Variants in CENPP observed in about 807,000 individuals in gnomAD.
CENPP encodes the protein centromere protein P.
A neutral mutation model predicts 35.6 loss-of-function variants in CENPP; 24 were observed. The ratio of observed to expected loss-of-function variants is 0.67; its 90% CI spans 0.49 to 0.95. The LOEUF (loss-of-function observed/expected upper bound fraction) is 0.95, where lower values mean the gene tolerates loss of function less well. Among genes scored for constraint, CENPP ranks in the 40% least tolerant of loss-of-function variants. CENPP has a pLI of 0.00. For missense variants in CENPP, 332 were observed against 345.3 expected (o/e 0.96, Z 0.31); for synonymous variants, 120 against 125.5 (o/e 0.96, Z 0.29).
chr9:92,541,547 T>A lies in CENPP; in HGVS notation c.565-69767T>A, dbSNP rs181846117. ...GGCTAATTTGAGTTAGATTTTTTTT[T>A]AAGATTCCATATATAAGTGAGATCA... On this transcript the variant is annotated intron_variant, in intron 5 of 7. Transcript: ENST00000375587. Among the ~76,000 whole-genome samples the A allele has an allele frequency of 4.8e-3, 722 of 151,534 alleles. 11 individuals are homozygous for A. The highest frequency in any genetic ancestry group is 0.017 in the African/African-American group (686 of 41,238).
intron 5 of CENPP, among the ~76,000 whole-genome samples, chr9:92,479,253 C>T (rs1329641740): frequency 1.3e-5 from 2 of 152,160 alleles, no homozygotes; most frequent in East Asian, 3.9e-4. Context: ...AAGCATCAGC[C>T]GGGGCCCCTT....
At chr9:92,387,255 C>T (rs1337172375) in intron 5 of CENPP, among the ~76,000 whole-genome samples, 1 of 151,274 alleles carries the variant, frequency 6.6e-6, no homozygotes, top group African/African-American at 2.4e-5. Flanking sequence ...GCCTGTAATC[C>T]CAGCTACTAG....
intron 1 of CENPP, among the ~76,000 whole-genome samples, 198 bp downstream of exon 1, chr9:92,326,303 T>G (rs1414325739): frequency 1.3e-5 from 2 of 152,220 alleles, no homozygotes; most frequent in African/African-American, 4.8e-5. Context: ...TTGCAGGGTA[T>G]TAACTCGTTT....
rs554338871 is a variant in CENPP, at chr9:92,449,750, C to T, written c.564+69891C>T. Among the ~76,000 whole-genome samples the T allele has an allele frequency of 3.9e-5, 6 of 152,154 alleles. 1 individual carries two copies. Among genetic ancestry groups the T allele is most frequent in the Admixed American group, 3.9e-4 (6 of 15,282 alleles). ...TCAGGTCATTTAAAAGTGTGTGGCA[C>T]CTCCCCTTTCTCTAGCCAAGTGAAA... On this transcript the variant is annotated intron_variant, in intron 5 of 7. Transcript: ENST00000375587.
At chr9:92,607,965 A>C (rs1029224904) in intron 5 of CENPP, among the ~76,000 whole-genome samples, 15 of 152,176 alleles carry the variant, frequency 9.9e-5, no homozygotes, top group Admixed American at 6.5e-4. Context: ...CAGCTGAACA[A>C]ACACCCACTT....
At chr9:92,443,691 G>A (rs1844479925) in intron 5 of CENPP, among the ~76,000 whole-genome samples, 1 of 150,472 alleles carries the variant, frequency 6.6e-6, no homozygotes, top group Non-Finnish European at 1.5e-5. Context: ...ACAGAGTTTT[G>A]CTCTGTCCCC....
chr9:92,415,136 C>A, intron 5 of CENPP: 3 of 1,584,098 alleles, frequency 1.9e-6, no homozygotes, highest in Non-Finnish European at 2.6e-6. Context: ...TAAGTGTATA[C>A]CTATATAGTT....
chr9:92,442,105 T>C (rs1465816952), intron 5 of CENPP, among the ~76,000 whole-genome samples: 2 of 151,608 alleles, frequency 1.3e-5, no homozygotes, highest in African/African-American at 4.8e-5. Flanking sequence ...TTTAGATATA[T>C]ATAAAAACAA....
At chr9:92,433,812 A>AGTGCC (rs1464543335) in intron 5 of CENPP, among the ~76,000 whole-genome samples, 7 of 152,066 alleles carry the variant, frequency 4.6e-5, no homozygotes, top group African/African-American at 1.7e-4. Flanking sequence ...CTTGCCTGTA[A>AGTGCC]TCCCAGCTAC....
chr9:92,555,245 T>A (rs1050875749), intron 5 of CENPP, among the ~76,000 whole-genome samples: 62 of 110,848 alleles, frequency 5.6e-4, no homozygotes, highest in African/African-American at 2.5e-3. Flanking sequence ...TTTTTTTTTT[T>A]AGATGGAGTT....
At chr9:92,462,328 T>C (rs1372570900) in intron 5 of CENPP, among the ~76,000 whole-genome samples, 1 of 152,192 alleles carries the variant, frequency 6.6e-6, no homozygotes, top group Non-Finnish European at 1.5e-5. Context: ...GTATCTGTAG[T>C]ACCCCCGCAC....
intron 5 of CENPP, among the ~76,000 whole-genome samples, chr9:92,382,892 CTTTTTTTTTTTTT>C (rs1213731251): frequency 7.2e-5 from 5 of 69,814 alleles, no homozygotes; most frequent in African/African-American, 2.0e-4. Flanking sequence ...CACTGTTTTC[CTTTTTTTTTTTTT>C]TTTTTTTTTT....
At chr9:92,343,340 G>A (rs1428313132) in intron 3 of CENPP, among the ~76,000 whole-genome samples, 1 of 152,164 alleles carries the variant, frequency 6.6e-6, no homozygotes, top group Non-Finnish European at 1.5e-5. Context: ...TTACTTTCTG[G>A]TGTTCTTAGT....
At chr9:92,453,707 C>A (rs561974551) in intron 5 of CENPP, among the ~76,000 whole-genome samples, 1 of 151,972 alleles carries the variant, frequency 6.6e-6, no homozygotes, top group Non-Finnish European at 1.5e-5. Flanking sequence ...ACAAGGATAC[C>A]CAGGAATTGA....
Position 92,616,874 on chromosome 9 carries a change from C to T in CENPP, c.*3725C>T, listed in dbSNP as rs1273348109. The T allele has an allele frequency of 1.3e-5, 2 of 152,196 alleles. No individual in the cohort carries two copies. The highest frequency in any genetic ancestry group is 2.9e-5 in the Non-Finnish European group (2 of 68,052). The allele number at this position is 152,196 out of a possible 1,614,324, so 9.4% of individuals were successfully genotyped here. On this transcript the variant is annotated 3_prime_UTR_variant, in exon 8 of 8. Coordinates refer to ENST00000375587, the MANE Select transcript of CENPP (RefSeq NM_001012267.3). ...CTCAGTTCAGTCCAAGAGAAGTATC[C>T]TGGGTTCTGGTGTCCCAATGTTTAC...
At chr9:92,431,728 C>T (rs1006007225) in intron 5 of CENPP, among the ~76,000 whole-genome samples, 1 of 152,104 alleles carries the variant, frequency 6.6e-6, no homozygotes, top group Non-Finnish European at 1.5e-5. Flanking sequence ...GCGCCTGCCA[C>T]CACGCCTGGC....
rs572983269 is a variant in CENPP, at chr9:92,461,248, CTTGTTTT to C, written c.564+81406_564+81412del. ...AGATGTCTCTAACTGATAAGGTCAT[CTTGTTTT>C]TTGTTTTTTGTTTTTTAACATAACC... On this transcript the variant is annotated intron_variant, in intron 5 of 7. Coordinates refer to ENST00000375587, the MANE Select transcript of CENPP (RefSeq NM_001012267.3). 4.4e-3 allele frequency among the ~76,000 whole-genome samples: 673 copies of C among 152,194 alleles called. 5 individuals are homozygous for C. Among genetic ancestry groups the C allele is most frequent in the Non-Finnish European group, 2.3e-3 (156 of 68,006 alleles).
chr9:92,604,338 T>G (rs1285010135), intron 5 of CENPP, among the ~76,000 whole-genome samples: 1 of 152,244 alleles, frequency 6.6e-6, no homozygotes, highest in African/African-American at 2.4e-5. Context: ...GTGCAAAAGA[T>G]ACGTCACTAG....
At chr9:92,543,552 C>T (rs1005663611) in intron 5 of CENPP, among the ~76,000 whole-genome samples, 14 of 142,720 alleles carry the variant, frequency 9.8e-5, no homozygotes, top group Non-Finnish European at 1.4e-4. Context: ...ATTTTATGAT[C>T]GTTTTTCTGT....
Sources: gnomAD v4.1 joint callset for allele counts (sites outside exome capture counted in the v4.1 genomes callset) on GRCh38, gnomAD v4.1.1 for gene constraint, MANE v1.5 for transcripts, NCBI Gene and HGNC (gene_info 2026-07-23, HGNC 2026-07-21) for gene names.